Variants in CBLB observed in about 807,000 individuals in gnomAD.
CBLB encodes Cbl proto-oncogene B.
In CBLB, 31 loss-of-function variants were observed where a neutral mutation model predicts 104.9. The ratio of observed to expected loss-of-function variants is 0.30; its 90% CI spans 0.22 to 0.40. The LOEUF is 0.40. Among genes scored for constraint, CBLB ranks in the 10% least tolerant of loss-of-function variants. The pLI is 1.00. For synonymous variants in CBLB, 440 were observed against 422.6 expected (o/e 1.04, Z -0.51); for missense variants, 1,062 against 1,214.6 (o/e 0.87, Z 1.87).
rs777776755 is a variant in CBLB at position 105,796,027 on chromosome 3, C to T, written c.420-19485G>A. 7.7e-4 allele frequency among the ~76,000 whole-genome samples: 117 copies of T among 151,912 alleles called. 1 individual carries two copies. Among genetic ancestry groups the T allele is most frequent in the Non-Finnish European group, 2.8e-4 (19 of 67,962 alleles). On this transcript the variant is annotated intron_variant, in intron 3 of 18. Coordinates refer to ENST00000394030, the MANE Select transcript of CBLB (RefSeq NM_170662.5). ...GTGAGCCACTATGCCAGGCCAACAC[C>T]GTGATTTTTTAAAAATTTATCTTCC...
chr3:105,869,202 A>G, upstream of CBLB: 3 of 629,580 alleles, frequency 4.8e-6, no homozygotes, highest in Non-Finnish European at 8.1e-6. Flanking sequence ...CAATGGCCCC[A>G]GAGGAAGGCC....
chr3:105,802,468 G>T (rs2082999263), intron 3 of CBLB, among the ~76,000 whole-genome samples: 1 of 152,190 alleles, frequency 6.6e-6, no homozygotes, highest in Admixed American at 6.5e-5. Context: ...AAAAACATAA[G>T]AGAAAGTTGC....
chr3:105,681,107 T>A, intron 16 of CBLB: 2 of 285,098 alleles, frequency 7.0e-6, no homozygotes, highest in Non-Finnish European at 6.6e-6. Context: ...GAACTGGTGC[T>A]CATGCTGCAA....
intron 5 of CBLB, among the ~76,000 whole-genome samples, chr3:105,746,260 AG>A (rs2076088916): frequency 6.6e-6 from 1 of 152,234 alleles, no homozygotes; most frequent in Admixed American, 6.5e-5. Flanking sequence ...TTTCAGGAAG[AG>A]AATACAGAGA....
At chr3:105,680,932 A>G (rs1435791664) in intron 16 of CBLB, 1 of 158,852 alleles carries the variant, frequency 6.3e-6, no homozygotes, top group African/African-American at 2.4e-5. Context: ...CTGTGGATAC[A>G]AACAAAAATA....
At chr3:105,802,353 T>C (rs562403073) in intron 3 of CBLB, among the ~76,000 whole-genome samples, 6 of 152,334 alleles carry the variant, frequency 3.9e-5, no homozygotes, top group South Asian at 4.1e-4. Context: ...CACATGCTTA[T>C]GTACATCTCT....
intron 4 of CBLB, among the ~76,000 whole-genome samples, chr3:105,762,713 AG>A (rs1214647127): frequency 6.6e-5 from 10 of 152,224 alleles, no homozygotes; most frequent in Non-Finnish European, 1.3e-4. Context: ...CATCTGCTGC[AG>A]GGGCAGAGCC....
At chr3:105,754,665 C>A (rs539561306) in intron 4 of CBLB, among the ~76,000 whole-genome samples, 1 of 152,218 alleles carries the variant, frequency 6.6e-6, no homozygotes, top group South Asian at 2.1e-4. Context: ...CAGGCTGAAT[C>A]GCTTTTAAAA....
Position 105,801,955 on chromosome 3 carries a change from CTG to C in CBLB, c.420-25415_420-25414del, listed in dbSNP as rs531386549. ...GAAGTTGCCTGGATTCTAAAAGGGA[CTG>C]AGAACAGCCTTGTTCAAATGCGTGA... On this transcript the variant is annotated intron_variant, in intron 3 of 18. Coordinates refer to ENST00000394030, the MANE Select transcript of CBLB (RefSeq NM_170662.5). 4.6e-5 allele frequency among the ~76,000 whole-genome samples: 7 copies of C among 152,280 alleles called. No homozygotes were observed. In the South Asian group the frequency reaches 1.4e-3, roughly 32 times the overall value.
At chr3:105,660,903 A>G (rs1398244990) in intron 18 of CBLB, among the ~76,000 whole-genome samples, 5 of 152,138 alleles carry the variant, frequency 3.3e-5, no homozygotes, top group Non-Finnish European at 7.4e-5. Context: ...TCAATATAAC[A>G]TACATAAAAC....
intron 10 of CBLB, among the ~76,000 whole-genome samples, chr3:105,711,480 G>T (rs2071069330): frequency 6.6e-6 from 1 of 152,004 alleles, no homozygotes; most frequent in Non-Finnish European, 1.5e-5. Flanking sequence ...TTCAGAGAGG[G>T]TATATGCTAC....
At chr3:105,741,298 C>G (rs1451344918) in intron 6 of CBLB, among the ~76,000 whole-genome samples, 2 of 152,108 alleles carry the variant, frequency 1.3e-5, no homozygotes, top group Non-Finnish European at 2.9e-5. Context: ...AAGCGATTCT[C>G]CTGCCTCAGC....
chr3:105,679,024 T>C (rs1667163053), intron 16 of CBLB, among the ~76,000 whole-genome samples: 1 of 152,302 alleles, frequency 6.6e-6, no homozygotes, highest in East Asian at 1.9e-4. Flanking sequence ...TGTCAAAGAA[T>C]AGTTTAGATT....
intron 2 of CBLB, among the ~76,000 whole-genome samples, chr3:105,866,049 AT>A (rs2092410570): frequency 6.6e-6 from 1 of 152,212 alleles, no homozygotes; most frequent in African/African-American, 2.4e-5. Context: ...AAGTTGCAAT[AT>A]TCTGACACTA....
chr3:105,694,748 T>C (rs2068121092), intron 12 of CBLB, among the ~76,000 whole-genome samples: 1 of 151,910 alleles, frequency 6.6e-6, no homozygotes, highest in Non-Finnish European at 1.5e-5. Context: ...ACTGGTCTTA[T>C]GCTTTAGTAC....
Position 105,737,298 on chromosome 3 carries a change from G to A in CBLB, c.984-40C>T, listed in dbSNP as rs770289852. 4 of 995,394 alleles carry A rather than the reference G, an allele frequency of 4.0e-6. No homozygotes were observed. In the African/African-American group the frequency reaches 6.5e-5, roughly 16 times the overall value. 61.7% of individuals were successfully genotyped at this position (995,394 alleles called of 1,614,324 possible). On this transcript the variant is annotated intron_variant, in intron 7 of 18. Coordinates refer to ENST00000394030, the MANE Select transcript of CBLB (RefSeq NM_170662.5). ...AAACTTTATTACCTTAAATATACAA[G>A]TTTTAATTGCATTTAAGGATATTTA... is the stretch of plus-strand genomic sequence containing the variant.
Position 105,660,397 on chromosome 3 carries a change from G to C in CBLB, c.2690-1168C>G, listed in dbSNP as rs142072960. ...AGTGGAGACAGGGTTTCACCATGTT[G>C]ATCAGGCTGGTCTTGAACTCCTGAC... On this transcript the variant is annotated intron_variant, in intron 18 of 18. Coordinates refer to ENST00000394030, the MANE Select transcript of CBLB (RefSeq NM_170662.5). Among the ~76,000 whole-genome samples the C allele has an allele frequency of 6.3e-3, 951 of 150,856 alleles. 14 individuals carry two copies. Among genetic ancestry groups the C allele is most frequent in the African/African-American group, 0.022 (898 of 41,008 alleles).
intron 14 of CBLB, among the ~76,000 whole-genome samples, chr3:105,684,103 G>A (rs953007595): frequency 6.6e-6 from 1 of 152,178 alleles, no homozygotes; most frequent in Non-Finnish European, 1.5e-5. Flanking sequence ...ACCTCAAAAG[G>A]AAATGGCACA....
intron 18 of CBLB, among the ~76,000 whole-genome samples, chr3:105,668,039 C>G (rs961083424): frequency 1.3e-5 from 2 of 152,158 alleles, no homozygotes; most frequent in African/African-American, 4.8e-5. Flanking sequence ...CTGTGAACTT[C>G]ATGTGAACAA....
Sources: allele counts gnomAD v4.1 joint callset (sites outside exome capture counted in the v4.1 genomes callset), GRCh38; gene constraint gnomAD v4.1.1; transcripts MANE v1.5; gene names NCBI Gene and HGNC (gene_info 2026-07-23, HGNC 2026-07-21).